Variants in METAP1 observed in about 807,000 individuals in gnomAD.
METAP1 encodes methionine aminopeptidase 1.
A neutral mutation model predicts 53.8 loss-of-function variants in METAP1; 28 were observed. The ratio of observed to expected loss-of-function variants is 0.52; its 90% CI spans 0.39 to 0.71. The LOEUF is 0.71. Among genes scored for constraint, METAP1 ranks in the 30% least tolerant of loss-of-function variants. METAP1 has a pLI of 0.00. For missense variants in METAP1, 389 were observed against 479.8 expected, an observed-to-expected ratio of 0.81 and a Z score of 1.77; for synonymous variants, 181 against 165.7, an observed-to-expected ratio of 1.09 and a Z score of -0.71.
At chr4:99,025,873 A>G (rs1303380958) in intron 1 of METAP1, among the ~76,000 whole-genome samples, 3 of 152,148 alleles carry the variant, frequency 2.0e-5, no homozygotes, top group Admixed American at 2.0e-4. Flanking sequence ...GGTCTCCACA[A>G]CCCCTTGTCT....
At chr4:99,040,657 CTTT>C (rs11308360) in intron 5 of METAP1, among the ~76,000 whole-genome samples, 18 of 133,906 alleles carry the variant, frequency 1.3e-4, no homozygotes, top group East Asian at 2.2e-4. Context: ...CACCTGACTA[CTTT>C]TTTTTTTTTT....
intron 1 of METAP1, among the ~76,000 whole-genome samples, chr4:99,006,290 A>G (rs917578732): frequency 4.6e-5 from 7 of 152,156 alleles, no homozygotes; most frequent in African/African-American, 1.4e-4. Flanking sequence ...ATAGACAAGG[A>G]ACTATGTTTT....
intron 1 of METAP1, among the ~76,000 whole-genome samples, chr4:99,001,901 A>G (rs753273383): frequency 6.6e-6 from 1 of 152,216 alleles, no homozygotes; most frequent in African/African-American, 2.4e-5. Context: ...AAGTTTTGGC[A>G]TGAAATATAC....
intron 4 of METAP1, chr4:99,037,700 A>G (rs981312855): frequency 2.0e-5 from 3 of 151,942 alleles, no homozygotes; most frequent in Non-Finnish European, 4.4e-5. Flanking sequence ...CAAACTTTTA[A>G]TTATCATAGC....
At chr4:99,033,027 A>T (rs1215972741) in intron 2 of METAP1, among the ~76,000 whole-genome samples, 1 of 152,190 alleles carries the variant, frequency 6.6e-6, no homozygotes, top group Non-Finnish European at 1.5e-5. Flanking sequence ...GTTGTACCTT[A>T]AGGGCCTTTC....
intron 5 of METAP1, 56 bp from the exon 6 acceptor site, chr4:99,040,987 G>A: frequency 8.3e-7 from 1 of 1,204,812 alleles, no homozygotes; most frequent in Non-Finnish European, 1.2e-6. Flanking sequence ...AGTAGAAAGG[G>A]TATAGATTTC....
At chr4:99,044,320 T>C (rs1333360264) in intron 7 of METAP1, among the ~76,000 whole-genome samples, 2 of 152,082 alleles carry the variant, frequency 1.3e-5, no homozygotes, top group African/African-American at 2.4e-5. Flanking sequence ...TGAGCCCAAG[T>C]GTTAGAGGCT....
rs1399020675 is a variant in METAP1, at chr4:99,006,220, C to T, written c.114+10353C>T. On this transcript the variant is annotated intron_variant, in intron 1 of 10. Coordinates refer to ENST00000296411, the MANE Select transcript of METAP1 (RefSeq NM_015143.3). ...CTGTCTTCAAGGGGCTTATGCTATTCTTGTATAGACAAGAAGTACTGGAAA... is the reference window on the plus strand; with the variant it reads ...CTGTCTTCAAGGGGCTTATGCTATTTTTGTATAGACAAGAAGTACTGGAAA... Among the ~76,000 whole-genome samples, 3 of 152,094 alleles carry T rather than the reference C, an allele frequency of 2.0e-5. No individual in the cohort carries two copies. The East Asian group carries it at 5.8e-4, about 29-fold the overall frequency.
intron 1 of METAP1, among the ~76,000 whole-genome samples, chr4:99,017,994 A>G (rs1250373331): frequency 6.6e-6 from 1 of 152,288 alleles, no homozygotes; most frequent in Non-Finnish European, 1.5e-5. Flanking sequence ...GCAGATATTA[A>G]TCATGCTTTT....
chr4:99,036,513 A>G (rs1336439851), intron 4 of METAP1, among the ~76,000 whole-genome samples: 1 of 152,108 alleles, frequency 6.6e-6, no homozygotes, highest in Admixed American at 6.5e-5. Context: ...ACCTTTATGT[A>G]CAGAACTTTT....
At chr4:99,022,644 G>A (rs1436673685) in intron 1 of METAP1, 10 of 963,474 alleles carry the variant, frequency 1.0e-5, no homozygotes, top group Admixed American at 2.1e-5. Flanking sequence ...CACACCTGGC[G>A]CTCAAAGGCA....
intron 6 of METAP1, 80 bp downstream of exon 6, chr4:99,041,206 G>A: frequency 1.0e-6 from 1 of 980,024 alleles, no homozygotes; most frequent in Admixed American, 2.4e-5. Flanking sequence ...GTAGATTTAA[G>A]TTCTGAGTGT....
intron 1 of METAP1, among the ~76,000 whole-genome samples, chr4:99,021,031 C>A: frequency 6.6e-6 from 1 of 152,180 alleles, no homozygotes; most frequent in East Asian, 1.9e-4. Context: ...TCCCCCAGAT[C>A]CTCCAGCTCA....
intron 1 of METAP1, among the ~76,000 whole-genome samples, chr4:99,001,408 CA>C (rs1722920301): frequency 6.6e-6 from 1 of 152,094 alleles, no homozygotes; most frequent in South Asian, 2.1e-4. Context: ...TGAAGATAAT[CA>C]ATTACCCAGA....
intron 7 of METAP1, among the ~76,000 whole-genome samples, chr4:99,043,760 T>C (rs1726034965): frequency 6.6e-6 from 1 of 152,120 alleles, no homozygotes; most frequent in Non-Finnish European, 1.5e-5. Flanking sequence ...CTTCATAATA[T>C]ATGAAGACCT....
chr4:99,055,190 A>G (rs577023828), intron 9 of METAP1, among the ~76,000 whole-genome samples: 2 of 152,268 alleles, frequency 1.3e-5, no homozygotes, highest in South Asian at 4.1e-4. Context: ...CAGGAGTTCT[A>G]GACCAGCCTG....
chr4:99,000,039 G>A (rs1232507483), intron 1 of METAP1, among the ~76,000 whole-genome samples: 2 of 152,224 alleles, frequency 1.3e-5, no homozygotes, highest in Non-Finnish European at 2.9e-5. Context: ...CTTGCCCACA[G>A]TAGGCCCTCA....
intron 3 of METAP1, among the ~76,000 whole-genome samples, chr4:99,034,770 TG>T (rs1474352652): frequency 3.3e-5 from 5 of 152,148 alleles, no homozygotes; most frequent in Non-Finnish European, 7.4e-5. Context: ...CCAGGAGATA[TG>T]GAGGACTGAC....
chr4:99,013,729 A>G (rs1342393155), intron 1 of METAP1, among the ~76,000 whole-genome samples: 1 of 152,232 alleles, frequency 6.6e-6, no homozygotes, highest in African/African-American at 2.4e-5. Flanking sequence ...AGAGGAAGTT[A>G]GTGATGAGAG....
Sources: gnomAD v4.1 joint callset for allele counts (sites outside exome capture counted in the v4.1 genomes callset) on GRCh38, gnomAD v4.1.1 for gene constraint, MANE v1.5 for transcripts, NCBI Gene and HGNC (gene_info 2026-07-23, HGNC 2026-07-21) for gene names.